The following RYK variants were observed in gnomAD, a reference collection of about 807,000 sequenced individuals.
The protein encoded by RYK is receptor like tyrosine kinase, also known as inactive tyrosine-protein kinase RYK.
RYK carries 21 observed loss-of-function variants against 70.2 expected under a neutral mutation model. The ratio of observed to expected loss-of-function variants is 0.30; its 90% CI spans 0.21 to 0.43. RYK has a LOEUF of 0.43. RYK is among the 20% of genes least tolerant of loss of function. The pLI, the probability that RYK is intolerant of heterozygous loss-of-function variation, is 1.00. For missense variants in RYK, 604 were observed against 753.3 expected (o/e 0.80, Z 2.32); for synonymous variants, 267 against 278.0 (o/e 0.96, Z 0.39).
chr3:134,164,261 T>C (rs1423280980), intron 13 of RYK, among the ~76,000 whole-genome samples: 1 of 152,196 alleles, frequency 6.6e-6, no homozygotes, highest in Admixed American at 6.5e-5. Flanking sequence ...ATTTTTATTG[T>C]AGTACAGCTG....
chr3:134,210,394 A>G (rs182060009), intron 3 of RYK, among the ~76,000 whole-genome samples: 1 of 149,622 alleles, frequency 6.7e-6, no homozygotes, highest in East Asian at 2.2e-4. Context: ...TTCAGTGCAT[A>G]TAATTTTTTT....
At chr3:134,206,781 G>A (rs1329291958) in intron 5 of RYK, among the ~76,000 whole-genome samples, 1 of 152,100 alleles carries the variant, frequency 6.6e-6, no homozygotes, top group Non-Finnish European at 1.5e-5. Context: ...GAAGAACAAT[G>A]GCAAAGTGTT....
chr3:134,176,108 T>TA (rs1383921792), intron 11 of RYK, 69 bp from the exon 12 acceptor site: 1 of 923,992 alleles, frequency 1.1e-6, no homozygotes, highest in Non-Finnish European at 1.7e-6. Context: ...TTACTTTTTT[T>TA]ATTCCACAAT....
At chr3:134,199,213 T>C (rs950080620) in intron 6 of RYK, among the ~76,000 whole-genome samples, 7 of 152,246 alleles carry the variant, frequency 4.6e-5, no homozygotes, top group Non-Finnish European at 1.0e-4. Context: ...GCAGTGTTAA[T>C]TCTCTGCCTC....
intron 1 of RYK, among the ~76,000 whole-genome samples, chr3:134,237,899 G>A (rs1335709822): frequency 6.6e-6 from 1 of 152,110 alleles, no homozygotes; most frequent in African/African-American, 2.4e-5. Context: ...TAGATTCTGA[G>A]GACAGTGGTA....
intron 9 of RYK, among the ~76,000 whole-genome samples, chr3:134,184,794 G>C (rs991838557): frequency 1.3e-5 from 2 of 151,316 alleles, no homozygotes; most frequent in Non-Finnish European, 2.9e-5. Flanking sequence ...CAAATAAGAA[G>C]TGGGTTTGAA....
At chr3:134,181,700 C>G (rs2013300339) in intron 10 of RYK, 2 of 152,094 alleles carry the variant, frequency 1.3e-5, no homozygotes, top group Non-Finnish European at 2.9e-5. Flanking sequence ...CATATGTGAT[C>G]AAATTTTCAG....
intron 1 of RYK, among the ~76,000 whole-genome samples, chr3:134,232,752 T>C (rs4286404): frequency 0.083 from 12,611 of 152,306 alleles, 1,104 homozygotes; most frequent in South Asian, 0.32. Context: ...ATACAGTCTG[T>C]TATATTGTGA....
At chr3:134,242,711 G>C (rs2015356866) in intron 1 of RYK, among the ~76,000 whole-genome samples, 1 of 152,176 alleles carries the variant, frequency 6.6e-6, no homozygotes, top group Non-Finnish European at 1.5e-5. Context: ...ATACTCACAT[G>C]TTTGATTTGT....
intron 1 of RYK, among the ~76,000 whole-genome samples, chr3:134,230,268 G>A (rs1349213444): frequency 2.6e-5 from 4 of 152,124 alleles, no homozygotes; most frequent in Admixed American, 6.5e-5. Flanking sequence ...TGTATTTTTA[G>A]TAGAAACGCG....
intron 9 of RYK, among the ~76,000 whole-genome samples, chr3:134,186,858 C>T (rs1444996637): frequency 6.6e-6 from 1 of 151,446 alleles, no homozygotes; most frequent in Non-Finnish European, 1.5e-5. Context: ...TTACAAACCC[C>T]GGAAGAAATA....
At chr3:134,188,490 T>G (rs2013542267) in intron 9 of RYK, among the ~76,000 whole-genome samples, 1 of 152,150 alleles carries the variant, frequency 6.6e-6, no homozygotes, top group South Asian at 2.1e-4. Flanking sequence ...GTACACACCC[T>G]TAGGCCAGCA....
At chr3:134,211,390 C>T in intron 3 of RYK, 118 bp downstream of exon 3, 1 of 590,742 alleles carries the variant, frequency 1.7e-6, no homozygotes, top group Non-Finnish European at 2.9e-6. Flanking sequence ...TCACAGTACT[C>T]ATACATCTTA....
intron 2 of RYK, among the ~76,000 whole-genome samples, chr3:134,212,807 G>T (rs2014441181): frequency 6.6e-6 from 1 of 152,184 alleles, no homozygotes; most frequent in African/African-American, 2.4e-5. Context: ...TGTTACCCAT[G>T]AATAAGAAGG....
chr3:134,249,417 T>A (rs1443307417), intron 1 of RYK, among the ~76,000 whole-genome samples: 1 of 152,082 alleles, frequency 6.6e-6, no homozygotes, highest in Non-Finnish European at 1.5e-5. Flanking sequence ...CAATAGAGAA[T>A]AATTTTTCCC....
chr3:134,185,332 T>C (rs1017760022), intron 9 of RYK, among the ~76,000 whole-genome samples: 2 of 152,178 alleles, frequency 1.3e-5, no homozygotes, highest in East Asian at 1.9e-4. Flanking sequence ...TGTGGAACTG[T>C]CAAAGCTGAG....
rs2014799669 is a variant in RYK at position 134,223,505 on chromosome 3, C to A, written c.233-966G>T. On this transcript the variant is annotated intron_variant, in intron 1 of 14. Coordinates refer to ENST00000623711, the MANE Select transcript of RYK (RefSeq NM_002958.4). Reference sequence around the variant, plus strand: ...AAAAGAAAAACAAATGTACTAAATTCTAGCTCAATTCTGGTGCCTACCAAG... The same window carrying A: ...AAAAGAAAAACAAATGTACTAAATTATAGCTCAATTCTGGTGCCTACCAAG... Among the ~76,000 whole-genome samples the A allele has an allele frequency of 3.3e-5, 5 of 152,048 alleles. No individual in the cohort carries two copies. In the South Asian group the frequency reaches 1.0e-3, roughly 32 times the overall value.
intron 1 of RYK, among the ~76,000 whole-genome samples, chr3:134,235,503 A>C (rs902320420): frequency 4.6e-5 from 7 of 152,174 alleles, no homozygotes; most frequent in Non-Finnish European, 1.0e-4. Context: ...TACTTTTAGA[A>C]AAAGATGAAA....
At chr3:134,166,498 G>A (rs573679995) in intron 13 of RYK, among the ~76,000 whole-genome samples, 2 of 152,300 alleles carry the variant, frequency 1.3e-5, no homozygotes, top group Admixed American at 6.5e-5. Context: ...AGTGTTATAC[G>A]TGATTGAAAA....
Sources: allele counts gnomAD v4.1 joint callset (sites outside exome capture counted in the v4.1 genomes callset), GRCh38; gene constraint gnomAD v4.1.1; transcripts MANE v1.5; gene names NCBI Gene and HGNC (gene_info 2026-07-23, HGNC 2026-07-21).